The following GNG7 variants were observed in gnomAD, a reference collection of about 807,000 sequenced individuals.
The protein encoded by GNG7 is guanine nucleotide-binding protein G(I)/G(S)/G(O) subunit gamma-7.
A neutral mutation model predicts 4.0 loss-of-function variants in GNG7; 1 was observed. That is an observed-to-expected ratio of 0.25 (90% confidence interval 0.09 to 1.18). The LOEUF (loss-of-function observed/expected upper bound fraction) is 1.18, where lower values mean the gene tolerates loss of function less well. GNG7 is among the 50% of genes most tolerant of loss of function. The pLI is 0.50. For synonymous variants in GNG7, 34 were observed against 36.9 expected, an observed-to-expected ratio of 0.92 and a Z score of 0.29; for missense variants, 86 against 91.9, an observed-to-expected ratio of 0.94 and a Z score of 0.26.
intron 2 of GNG7, among the ~76,000 whole-genome samples, chr19:2,620,805 C>T (rs542688395): frequency 2.6e-5 from 4 of 152,300 alleles, no homozygotes; most frequent in African/African-American, 9.6e-5. Flanking sequence ...CGTGCCATTG[C>T]ACTCTGGCTC....
chr19:2,680,933 G>A (rs780554960), intron 1 of GNG7, among the ~76,000 whole-genome samples: 3 of 151,920 alleles, frequency 2.0e-5, no homozygotes, highest in Admixed American at 6.6e-5. Flanking sequence ...CTACCTCCCC[G>A]TGAGCCCTTG....
In GNG7 at chr19:2,568,608, C is replaced by T. The variant is rs897360698; in HGVS notation, c.-77-13420G>A. ...AAATACACACATATATAGACATACA[C>T]ACATATATACACATACACACATATA... On this transcript the variant is annotated intron_variant, in intron 2 of 4. Transcript: ENST00000382159. Among the ~76,000 whole-genome samples, 9 of 151,836 alleles carry T rather than the reference C, an allele frequency of 5.9e-5. 1 individual carries two copies. The highest frequency in any genetic ancestry group is 2.6e-4 in the Admixed American group (4 of 15,230).
chr19:2,547,233 A>G (rs943848518), intron 3 of GNG7, among the ~76,000 whole-genome samples: 1 of 152,086 alleles, frequency 6.6e-6, no homozygotes, highest in Non-Finnish European at 1.5e-5. Flanking sequence ...GTCCTGTGAC[A>G]TTGTGGCTGC....
chr19:2,700,133 CTT>C (rs61629688), intron 1 of GNG7, among the ~76,000 whole-genome samples: 10 of 141,994 alleles, frequency 7.0e-5, no homozygotes, highest in African/African-American at 2.3e-4. Context: ...TGTTGCAGTC[CTT>C]TTTTTTTTTT....
intron 2 of GNG7, among the ~76,000 whole-genome samples, chr19:2,636,951 T>C (rs1366886340): frequency 1.3e-5 from 2 of 150,602 alleles, no homozygotes. Context: ...TCCCCACTTG[T>C]GCCCACCTGC....
chr19:2,553,104 G>C (rs530729161), intron 3 of GNG7, among the ~76,000 whole-genome samples: 4 of 148,374 alleles, frequency 2.7e-5, no homozygotes, highest in South Asian at 4.3e-4. Flanking sequence ...AACCTCTAGC[G>C]GGGCTGACCA....
At chr19:2,606,163 G>A (rs1455427446) in intron 2 of GNG7, among the ~76,000 whole-genome samples, 1 of 152,148 alleles carries the variant, frequency 6.6e-6, no homozygotes, top group Admixed American at 6.5e-5. Flanking sequence ...TGGATTGCTT[G>A]AGCCCAGGAG....
intron 2 of GNG7, among the ~76,000 whole-genome samples, chr19:2,607,870 G>C (rs1568261253): frequency 6.6e-6 from 1 of 152,012 alleles, no homozygotes; most frequent in Non-Finnish European, 1.5e-5. Flanking sequence ...AGGCTTTCTA[G>C]GGAGCAGTCC....
At chr19:2,651,675 C>G (rs1262647600) in intron 1 of GNG7, among the ~76,000 whole-genome samples, 1 of 150,156 alleles carries the variant, frequency 6.7e-6, no homozygotes, top group Admixed American at 6.7e-5. Flanking sequence ...AAGAGATTCT[C>G]CTGCCTCAAC....
intron 2 of GNG7, among the ~76,000 whole-genome samples, chr19:2,568,482 A>G (rs1222728504): frequency 2.6e-5 from 4 of 151,736 alleles, no homozygotes; most frequent in Admixed American, 2.6e-4. Flanking sequence ...ACATACACAC[A>G]GACTTACGCA....
At chr19:2,561,902 G>C (rs773898541) in intron 2 of GNG7, among the ~76,000 whole-genome samples, 6 of 151,956 alleles carry the variant, frequency 3.9e-5, no homozygotes, top group Non-Finnish European at 8.8e-5. Context: ...AATGACACTG[G>C]CTTCTTTCTC....
At chr19:2,613,016 G>A (rs929898131) in intron 2 of GNG7, among the ~76,000 whole-genome samples, 1 of 152,094 alleles carries the variant, frequency 6.6e-6, no homozygotes, top group African/African-American at 2.4e-5. Flanking sequence ...TTAGAGCGGA[G>A]GAGGTAGCCT....
chr19:2,636,032 A>C (rs543675556), intron 2 of GNG7, among the ~76,000 whole-genome samples: 18 of 152,334 alleles, frequency 1.2e-4, no homozygotes, highest in African/African-American at 4.3e-4. Flanking sequence ...GCCCCACCCC[A>C]GAGAAAAATG....
In GNG7 at chr19:2,514,849, G is replaced by A. The variant is rs1234516240; in HGVS notation, c.*173C>T. 6.8e-6 allele frequency: 4 copies of A among 586,566 alleles called. No homozygotes were observed. The East Asian group carries it at 1.2e-4, about 17-fold the overall frequency. The allele number at this position is 586,566 out of a possible 1,614,324, so 36.3% of individuals were successfully genotyped here. On this transcript the variant is annotated 3_prime_UTR_variant, in exon 5 of 5. Transcript: ENST00000382159. ...CCATTCTACCCCATCCGGGCGGTGG[G>A]AACGCCTTTTTTGGCGGGGAGAGGG...
chr19:2,679,655 CAGA>C (rs769751123), intron 1 of GNG7, among the ~76,000 whole-genome samples: 1 of 152,172 alleles, frequency 6.6e-6, no homozygotes, highest in African/African-American at 2.4e-5. Flanking sequence ...TAGAAGGTTC[CAGA>C]AGATTCCAGA....
At chr19:2,559,378 G>T (rs577170017) in intron 2 of GNG7, among the ~76,000 whole-genome samples, 343 of 147,438 alleles carry the variant, frequency 2.3e-3, no homozygotes, top group African/African-American at 8.4e-3. Flanking sequence ...TGGAGACAGG[G>T]TCTCGCTCTG....
At chr19:2,656,558 C>T (rs543043508) in intron 1 of GNG7, among the ~76,000 whole-genome samples, 27 of 152,266 alleles carry the variant, frequency 1.8e-4, no homozygotes, top group Middle Eastern at 3.4e-3. Context: ...CAAGATCACG[C>T]CACTGCACTC....
At chr19:2,592,669 C>T (rs948393539) in intron 2 of GNG7, among the ~76,000 whole-genome samples, 2 of 145,488 alleles carry the variant, frequency 1.4e-5, no homozygotes, top group Non-Finnish European at 3.0e-5. Context: ...CCCAGGAGGT[C>T]GAGGCTCTAG....
rs761139535 is a variant in GNG7, at chr19:2,557,969, G to C, written c.-77-2781C>G. On this transcript the variant is annotated intron_variant, in intron 2 of 4. Transcript: ENST00000382159. This position sits in a 1 kb window ranked among gnomAD's most constrained non-coding sequence, Gnocchi z 5.1. ...CGACTCTCCTGCCTCAGCCTCTCAA[G>C]TAGCTGGGACTACAGGCACGGGCCA... Among the ~76,000 whole-genome samples the C allele has an allele frequency of 2.0e-5, 3 of 152,080 alleles. No homozygotes were observed. The highest frequency in any genetic ancestry group is 7.2e-5 in the African/African-American group (3 of 41,414).
Sources: allele counts gnomAD v4.1 joint callset (sites outside exome capture counted in the v4.1 genomes callset), GRCh38; gene constraint gnomAD v4.1.1; non-coding constraint Gnocchi (gnomAD v3.1); transcripts MANE v1.5; gene names NCBI Gene and HGNC (gene_info 2026-07-23, HGNC 2026-07-21).